Variants in MED26 observed in about 807,000 individuals in gnomAD.
The protein encoded by MED26 is mediator of RNA polymerase II transcription subunit 26.
Under a neutral mutation model 43.7 loss-of-function variants are expected in MED26, and 7 were observed. The observed-to-expected ratio is 0.16, with a 90% CI of 0.09 to 0.30. The LOEUF (loss-of-function observed/expected upper bound fraction) is 0.30, where lower values mean the gene tolerates loss of function less well. Among genes scored for constraint, MED26 ranks in the 10% least tolerant of loss-of-function variants. MED26 has a pLI of 1.00. For missense variants in MED26, 784 were observed against 840.6 expected (o/e 0.93, Z 0.83); for synonymous variants, 375 against 371.1 (o/e 1.01, Z -0.12).
intron 1 of MED26, among the ~76,000 whole-genome samples, chr19:16,593,454 TG>T (rs2086107142): frequency 6.6e-6 from 1 of 152,218 alleles, no homozygotes; most frequent in South Asian, 2.1e-4. Context: ...CCTGCAGGTC[TG>T]CTCCTCAGGT....
intron 1 of MED26, among the ~76,000 whole-genome samples, chr19:16,591,055 AT>A (rs2086095082): frequency 2.6e-5 from 2 of 78,418 alleles, no homozygotes; most frequent in Admixed American, 1.1e-4. Context: ...AATAAAATAA[AT>A]AAATAAATAA....
chr19:16,592,824 T>C (rs932207028), intron 1 of MED26, among the ~76,000 whole-genome samples: 1 of 152,246 alleles, frequency 6.6e-6, no homozygotes, highest in African/African-American at 2.4e-5. Flanking sequence ...GGGCAGATGA[T>C]GGCTGTCTTG....
intron 1 of MED26, among the ~76,000 whole-genome samples, chr19:16,620,155 A>T (rs2086245298): frequency 6.6e-6 from 1 of 152,212 alleles, no homozygotes; most frequent in Non-Finnish European, 1.5e-5. Flanking sequence ...CTGTCCTCCC[A>T]GTCTGGCATA....
intron 1 of MED26, among the ~76,000 whole-genome samples, chr19:16,622,900 A>C (rs570185845): frequency 1.3e-5 from 2 of 152,202 alleles, no homozygotes; most frequent in African/African-American, 4.8e-5. Flanking sequence ...CGCAGACCCC[A>C]AAACCAAGAA....
Position 16,576,046 on chromosome 19 carries a change from G to T in MED26, c.1784C>A (p.Pro595His), listed in dbSNP as rs772743155. Residue 595 changes from proline (P) to histidine (H), a missense_variant, in exon 3 of 3, where the codon CCT (proline) becomes CAT (histidine). Around this residue, in one of 3 missense-constraint regions of MED26, gnomAD observed 719 missense variants for 730.9 expected, o/e 0.98. Transcript: ENST00000263390. The surrounding 1 kb of genome is among the most constrained non-coding windows in gnomAD (Gnocchi z 6.8). ...GGCCGGTCAGTCCAAGCAGACATAA[G>T]GCAGAATGTTCAAGCGCCCGTCGTC... ...HGDDGRLNIL[P>H]YVCLD The T allele has an allele frequency of 6.2e-7, 1 of 1,613,356 alleles. No homozygotes were observed. The highest frequency in any genetic ancestry group is 8.5e-7 in the Non-Finnish European group (1 of 1,179,862).
At chr19:16,616,761 C>T (rs928667312) in intron 1 of MED26, among the ~76,000 whole-genome samples, 25 of 152,102 alleles carry the variant, frequency 1.6e-4, no homozygotes, top group African/African-American at 6.0e-4. Context: ...AGCAGTGCTA[C>T]ACAAAGCCAA....
chr19:16,622,261 T>C (rs1009840219), intron 1 of MED26, among the ~76,000 whole-genome samples: 1 of 152,196 alleles, frequency 6.6e-6, no homozygotes, highest in Non-Finnish European at 1.5e-5. Flanking sequence ...CGAGCCCACA[T>C]GCCACGGCAC....
intron 1 of MED26, among the ~76,000 whole-genome samples, chr19:16,621,787 T>G (rs536660335): frequency 3.3e-5 from 5 of 152,184 alleles, no homozygotes; most frequent in South Asian, 2.1e-4. Flanking sequence ...ACCACTTCCC[T>G]AAGCACATCA....
chr19:16,614,403 TC>T (rs1172543451), intron 1 of MED26, among the ~76,000 whole-genome samples: 2 of 152,050 alleles, frequency 1.3e-5, no homozygotes, highest in Non-Finnish European at 2.9e-5. Context: ...GTAGCGTGTG[TC>T]TGTAGTCTTA....
chr19:16,589,737 CTTTTCTAGATGTATA>C, intron 1 of MED26, among the ~76,000 whole-genome samples: 1 of 152,290 alleles, frequency 6.6e-6, no homozygotes, highest in East Asian at 1.9e-4. Context: ...GACTTGTACA[CTTTTCTAGATGTATA>C]TTTTCTAGAC....
At chr19:16,600,966 C>T (rs572266458) in intron 1 of MED26, among the ~76,000 whole-genome samples, 35 of 152,020 alleles carry the variant, frequency 2.3e-4, no homozygotes, top group African/African-American at 7.2e-4. Flanking sequence ...TGGTGGCGCA[C>T]GCCTGTAGAC....
At chr19:16,619,105 G>A (rs976180693) in intron 1 of MED26, among the ~76,000 whole-genome samples, 1 of 152,192 alleles carries the variant, frequency 6.6e-6, no homozygotes, top group African/African-American at 2.4e-5. Context: ...AATTAGTATA[G>A]GAAGTAAAGA....
rs534357438 is a variant in MED26 at position 16,627,889 on chromosome 19, T to C, written c.55A>G (p.Ile19Val). The C allele has an allele frequency of 1.3e-6, 2 of 1,497,514 alleles. No homozygotes were observed. The highest frequency in any genetic ancestry group is 1.3e-5 in the South Asian group (1 of 79,114). The allele number at this position is 1,497,514 out of a possible 1,614,324, so 92.8% of individuals were successfully genotyped here. A position where few individuals can be genotyped will look rare whatever the true frequency, so the allele number is the denominator to read the frequency against. The change falls in exon 1 of 3, where the codon ATC becomes GTC. Residue 19 changes from isoleucine (I) to valine (V), a missense_variant. This residue lies in a region of MED26 where 37 missense variants were observed against 30.3 expected (regional missense o/e 1.22). Transcript: ENST00000263390. ...GTACTTACGTTGCTCTGGGGGTCGA[T>C]GGCCTGCAGCAGCCGGTCCCTGATC... ...QQIRDRLLQA[I>V]DPQSNIRNMV...
In MED26 at chr19:16,576,832, GGCA is replaced by G; in HGVS notation, c.995_997del (p.Leu332del). On this transcript the variant is annotated inframe_deletion, in exon 3 of 3. Transcript: ENST00000263390. The surrounding 1 kb of genome is among the most constrained non-coding windows in gnomAD (Gnocchi z 6.8). ...CCAGCACACTGGGCTTTCCGCACTG[GGCA>G]GCAGCTCGAGCCGCCGTACGGGGGG... 6.2e-7 allele frequency: 1 copy of G among 1,609,872 alleles called. No individual in the cohort carries two copies. The highest frequency in any genetic ancestry group is 8.5e-7 in the Non-Finnish European group (1 of 1,178,824).
intron 1 of MED26, chr19:16,611,752 T>C (rs1016510629): frequency 2.0e-5 from 3 of 152,136 alleles, no homozygotes; most frequent in Non-Finnish European, 2.9e-5. Flanking sequence ...CTTTCGGCTA[T>C]AGGCTATTTG....
chr19:16,601,887 A>C (rs1298321629), intron 1 of MED26, among the ~76,000 whole-genome samples: 2 of 152,220 alleles, frequency 1.3e-5, no homozygotes, highest in Non-Finnish European at 2.9e-5. Context: ...ACACAGCTGA[A>C]GCAGGGAGAC....
chr19:16,583,990 A>G (rs1311646282), intron 1 of MED26, among the ~76,000 whole-genome samples: 1 of 152,172 alleles, frequency 6.6e-6, no homozygotes, highest in Non-Finnish European at 1.5e-5. Context: ...GGGATGCCCC[A>G]GGAACACACG....
At chr19:16,608,376 C>G (rs1263135096) in intron 1 of MED26, among the ~76,000 whole-genome samples, 1 of 152,236 alleles carries the variant, frequency 6.6e-6, no homozygotes, top group Non-Finnish European at 1.5e-5. Context: ...ATCTAGGTTT[C>G]TGAGGTTATT....
rs780331926 is a variant in MED26 at position 16,577,032 on chromosome 19, C to T, written c.798G>A (p.Lys266=). Reference sequence around the variant, plus strand: ...GACTGAAAGAGCAGCGAGGGGGTCCCTTGGGATGGGGAGGCCCCGGAGTCT... The same window carrying T: ...GACTGAAAGAGCAGCGAGGGGGTCCTTTGGGATGGGGAGGCCCCGGAGTCT... ...VDETPGPPHP[K]GPPRCSFSPR... Residue 266 remains lysine, a synonymous_variant, in exon 3 of 3, where the codon AAG becomes AAA. Transcript: ENST00000263390. This position sits in a 1 kb window ranked among gnomAD's most constrained non-coding sequence, Gnocchi z 8.1. The T allele has an allele frequency of 2.2e-5, 36 of 1,608,818 alleles. No individual in the cohort carries two copies. The highest frequency in any genetic ancestry group is 3.0e-5 in the Non-Finnish European group (35 of 1,176,534).
Sources: allele counts gnomAD v4.1 joint callset (sites outside exome capture counted in the v4.1 genomes callset), GRCh38; gene constraint gnomAD v4.1.1; regional missense constraint gnomAD v4.1.1; non-coding constraint Gnocchi (gnomAD v3.1); transcripts MANE v1.5; gene names NCBI Gene and HGNC (gene_info 2026-07-23, HGNC 2026-07-21).